C6orf141: variants seen among roughly 807,000 people sequenced by gnomAD.
C6orf141 encodes the protein uncharacterized protein C6orf141.
For synonymous variants in C6orf141, 164 were observed against 140.5 expected (o/e 1.17, Z -1.18); for missense variants, 361 against 335.8 (o/e 1.07, Z -0.59).
Position 49,551,634 on chromosome 6 carries a change from T to TA in C6orf141, c.*107_*108insA, listed in dbSNP as rs553724937. On this transcript the variant is annotated 3_prime_UTR_variant, in exon 1 of 1. Coordinates refer to ENST00000529246, the MANE Select transcript of C6orf141 (RefSeq NM_001145652.2). The stretch of plus-strand genomic sequence containing the variant: ...CAATTAACCTACAGAAGGAACCTTT[T>TA]GAGAGGCTGGTGCAGCGCTTCGGGG... 1,294 of 1,496,350 alleles carry TA rather than the reference T, an allele frequency of 8.6e-4. 14 individuals carry two copies. In the African/African-American group the frequency reaches 0.016, roughly 19 times the overall value. 92.7% of individuals were successfully genotyped at this position (1,496,350 alleles called of 1,614,324 possible). A position where few individuals can be genotyped will look rare whatever the true frequency, so the allele number is the denominator to read the frequency against.
Position 49,550,870 on chromosome 6 carries a change from G to T in C6orf141, c.78G>T (p.Leu26=). ...ATCCCATGGACTCCTCCCGCAGCCTGGGGGACCTCGGGCCTTTTCCGCGGG... is the reference window on the plus strand; with the variant it reads ...ATCCCATGGACTCCTCCCGCAGCCTTGGGGACCTCGGGCCTTTTCCGCGGG... ...AANPMDSSRS[L]GDLGPFPREV... is the part of the protein sequence containing the mutation. Residue 26 remains leucine (L), a synonymous_variant, in exon 1 of 1, where the codon CTG becomes CTT. Transcript: ENST00000529246. The T allele has an allele frequency of 2.0e-6, 3 of 1,509,730 alleles. No homozygotes were observed. Among genetic ancestry groups the T allele is most frequent in the Non-Finnish European group, 2.6e-6 (3 of 1,132,488 alleles). 93.5% of individuals were successfully genotyped at this position (1,509,730 alleles called of 1,614,324 possible). A position where few individuals can be genotyped will look rare whatever the true frequency, so the allele number is the denominator to read the frequency against.
chr6:49,551,198 C>T (rs1392218281), exon 1 of C6orf141: 1 of 1,551,478 alleles, frequency 6.4e-7, no homozygotes, highest in African/African-American at 1.4e-5. Context: ...TGTCTTTCAA[C>T]GACAAAAGCG....
intron 4 of C6orf141, among the ~76,000 whole-genome samples, chr6:49,558,071 T>TTGTTTTTTTTTTTTTTTTTTG (rs1554168735): frequency 7.2e-6 from 1 of 139,340 alleles, no homozygotes; most frequent in African/African-American, 2.6e-5. Context: ...TTTTTTTTTT[T>TTGTTTTTTTTTTTTTTTTTTG]TTTTTTTTTT....
intron 4 of C6orf141, among the ~76,000 whole-genome samples, chr6:49,557,096 A>T (rs1772098022): frequency 6.6e-6 from 1 of 152,140 alleles, no homozygotes; most frequent in Non-Finnish European, 1.5e-5. Flanking sequence ...TCTATTAAAA[A>T]TACAGAATTA....
chr6:49,555,326 C>T (rs1771615300), downstream of C6orf141: 1 of 152,020 alleles, frequency 6.6e-6, no homozygotes, highest in African/African-American at 2.4e-5. Flanking sequence ...TTAAAAGAAA[C>T]AGTTGTATAC....
chr6:49,550,770 T>C lies in C6orf141; in HGVS notation c.-23T>C. 1.4e-6 allele frequency: 2 copies of C among 1,443,762 alleles called. No individual in the cohort carries two copies. The highest frequency in any genetic ancestry group is 2.6e-5 in the East Asian group (1 of 39,188). 89.4% of individuals were successfully genotyped at this position (1,443,762 alleles called of 1,614,324 possible). ...CGGAGCTCAGCAGGCGCTTGCTGCT[T>C]GAACCGGTCAAAGAAGGAACGAATG... On this transcript the variant is annotated 5_prime_UTR_variant, in exon 1 of 1. Coordinates refer to ENST00000529246, the MANE Select transcript of C6orf141 (RefSeq NM_001145652.2).
In C6orf141 at chr6:49,551,551, G is replaced by A; in HGVS notation, c.*24G>A. ...AATGAGTAGCTCGAGAAATGTTCCG[G>A]GATGGTGGATGAGCGATCATCCTTA... On this transcript the variant is annotated 3_prime_UTR_variant, in exon 1 of 1. Transcript: ENST00000529246. 1 of 1,546,578 alleles carries A rather than the reference G, an allele frequency of 6.5e-7. No homozygotes were observed.
chr6:49,550,828 G>A lies in C6orf141; in HGVS notation c.36G>A (p.Gly12=), dbSNP rs1330917100. Residue 12 remains glycine (G), a synonymous_variant, in exon 1 of 1, where the codon GGG becomes GGA. Transcript: ENST00000529246. ...CTTTTGCCAGGATGGAGACCCGGGG[G>A]CCTCAGGGAGCTGCGAATCCCATGG... ...NDPFARMETR[G]PQGAANPMDS... is the part of the protein sequence containing the mutation. 1.4e-6 allele frequency: 2 copies of A among 1,476,822 alleles called. No individual in the cohort carries two copies. The highest frequency in any genetic ancestry group is 2.5e-5 in the East Asian group (1 of 40,084). The allele number at this position is 1,476,822 out of a possible 1,614,324, so 91.5% of individuals were successfully genotyped here. A position where few individuals can be genotyped will look rare whatever the true frequency, so the allele number is the denominator to read the frequency against.
At chr6:49,556,520 G>T (rs1291362392), downstream of C6orf141, among the ~76,000 whole-genome samples, 1 of 152,068 alleles carries the variant, frequency 6.6e-6, no homozygotes, top group African/African-American at 2.4e-5. Context: ...CTATTTTGTT[G>T]TCTAGGAATA....
chr6:49,552,823 GT>G (rs1388938594), downstream of C6orf141, among the ~76,000 whole-genome samples: 2 of 152,246 alleles, frequency 1.3e-5, no homozygotes, highest in African/African-American at 4.8e-5. Flanking sequence ...GATGAAGAAT[GT>G]GATAATCTCC....
At chr6:49,552,476 G>T (rs1770860278), downstream of C6orf141, 1 of 152,128 alleles carries the variant, frequency 6.6e-6, no homozygotes, top group Admixed American at 6.5e-5. Context: ...AGTTGGCCTG[G>T]TTGAAGCTCT....
In C6orf141 at chr6:49,550,696, C is replaced by T. The variant is rs1770212030; in HGVS notation, c.-97C>T. The stretch of plus-strand genomic sequence containing the variant: ...CTTCAGCTTTCACCGGCTGGGAGTC[C>T]GGAGCTGCAGCAGAGGCCACACCCA... On this transcript the variant is annotated 5_prime_UTR_variant, in exon 1 of 1. Transcript: ENST00000529246. 6.3e-6 allele frequency: 7 copies of T among 1,113,910 alleles called. No individual in the cohort carries two copies. Among genetic ancestry groups the T allele is most frequent in the Non-Finnish European group, 8.6e-6 (7 of 813,800 alleles). 69.0% of individuals were successfully genotyped at this position (1,113,910 alleles called of 1,614,324 possible).
chr6:49,557,874 T>G (rs976720151), intron 4 of C6orf141, among the ~76,000 whole-genome samples: 1 of 152,104 alleles, frequency 6.6e-6, no homozygotes, highest in African/African-American at 2.4e-5. Context: ...CTCTCTCCCC[T>G]AATGCAATAG....
chr6:49,558,921 ATGGTCTCGATCTCCTGAAC>A (rs1772657424), intron 4 of C6orf141, among the ~76,000 whole-genome samples: 1 of 151,336 alleles, frequency 6.6e-6, no homozygotes, highest in South Asian at 2.1e-4. Context: ...GTTAGCCAGG[ATGGTCTCGATCTCCTGAAC>A]TCGTGATCCA....
At position 49,551,400 on chromosome 6, in the gene C6orf141, C is replaced by T. The variant is rs990134524; in HGVS notation, c.608C>T (p.Pro203Leu). 1.9e-6 allele frequency: 3 copies of T among 1,551,672 alleles called. No individual in the cohort carries two copies. The highest frequency in any genetic ancestry group is 1.2e-5 in the South Asian group (1 of 84,062). Residue 203 changes from proline (P) to leucine (L), a missense_variant, in exon 1 of 1, where the codon CCT becomes CTT. Transcript: ENST00000529246. ...TTTCGCAGCAGTAGAGAGGGACAGC[C>T]TGGGGAACGCTGGGGCCCTGCTGAA... ...LTFRSSREGQ[P>L]GERWGPAESR...
chr6:49,554,272 C>A (rs1017484775), downstream of C6orf141, among the ~76,000 whole-genome samples: 3 of 152,160 alleles, frequency 2.0e-5, no homozygotes, highest in Admixed American at 6.5e-5. Flanking sequence ...ATCTGATGCC[C>A]TGTTGTCTAG....
chr6:49,558,313 G>A (rs1772464550), intron 4 of C6orf141, among the ~76,000 whole-genome samples: 1 of 151,512 alleles, frequency 6.6e-6, no homozygotes, highest in South Asian at 2.1e-4. Context: ...TCTGCTTGGA[G>A]CCTATTGGCA....
chr6:49,551,852 T>G lies in C6orf141; in HGVS notation c.*325T>G. 1.7e-6 allele frequency: 2 copies of G among 1,166,792 alleles called. No homozygotes were observed. The highest frequency in any genetic ancestry group is 6.6e-5 in the East Asian group (1 of 15,058). 72.3% of individuals were successfully genotyped at this position (1,166,792 alleles called of 1,614,324 possible). On this transcript the variant is annotated 3_prime_UTR_variant, in exon 1 of 1. Transcript: ENST00000529246. Reference sequence around the variant, plus strand: ...TAACTCTCAATTGATCTCTTTTCTGTTCCCCGCCCCCCTCTTGTTTCTCTT... The same window carrying G: ...TAACTCTCAATTGATCTCTTTTCTGGTCCCCGCCCCCCTCTTGTTTCTCTT...
intron 4 of C6orf141, among the ~76,000 whole-genome samples, chr6:49,557,891 T>G (rs189326524): frequency 5.9e-5 from 9 of 152,136 alleles, no homozygotes; most frequent in East Asian, 1.9e-4. Context: ...ATAGTTTTTG[T>G]TTTTTGTTTG....
Sources: gnomAD v4.1 joint callset for allele counts (sites outside exome capture counted in the v4.1 genomes callset) on GRCh38, gnomAD v4.1.1 for gene constraint, MANE v1.5 for transcripts, NCBI Gene and HGNC (gene_info 2026-07-23, HGNC 2026-07-21) for gene names.